Variants in ING5 observed in about 807,000 individuals in gnomAD.
The protein encoded by ING5 is inhibitor of growth protein 5.
ING5 carries 17 observed loss-of-function variants against 37.4 expected under a neutral mutation model. The ratio of observed to expected loss-of-function variants is 0.45; its 90% CI spans 0.31 to 0.68. ING5 has a LOEUF of 0.68. Among genes scored for constraint, ING5 ranks in the 30% least tolerant of loss-of-function variants. The pLI is 0.05. For missense variants in ING5, 233 were observed against 311.9 expected, an observed-to-expected ratio of 0.75 and a Z score of 1.91; for synonymous variants, 123 against 116.6, an observed-to-expected ratio of 1.06 and a Z score of -0.36.
At chr2:241,713,158 G>A (rs1258139775) in intron 5 of ING5, among the ~76,000 whole-genome samples, 1 of 150,596 alleles carries the variant, frequency 6.6e-6, no homozygotes, top group African/African-American at 2.5e-5. Context: ...CCAGGTTCAA[G>A]CGATTCTCCT....
intron 1 of ING5, among the ~76,000 whole-genome samples, chr2:241,689,017 G>A (rs1360074119): frequency 1.3e-5 from 2 of 152,078 alleles, no homozygotes; most frequent in East Asian, 3.9e-4. Flanking sequence ...TAGCCAGGAT[G>A]GTCTCGATCT....
chr2:241,691,199 G>A (rs1028028836), intron 2 of ING5, among the ~76,000 whole-genome samples: 6 of 151,610 alleles, frequency 4.0e-5, no homozygotes, highest in Non-Finnish European at 7.4e-5. Context: ...AGCACTTTGG[G>A]AGGCCGAGGT....
chr2:241,721,332 G>A, intron 5 of ING5: 5 of 985,504 alleles, frequency 5.1e-6, no homozygotes, highest in Non-Finnish European at 6.0e-6. Context: ...ACCTGGACTT[G>A]TGACGCTGAT....
At chr2:241,687,244 A>G (rs2069450652) in exon 1 of ING5, 1 of 397,098 alleles carries the variant, frequency 2.5e-6, no homozygotes, top group Admixed American at 4.4e-5. Flanking sequence ...GCCCGCTGCC[A>G]GCGTGAGGGC....
At chr2:241,695,282 G>A (rs914873824) in intron 2 of ING5, among the ~76,000 whole-genome samples, 2 of 151,954 alleles carry the variant, frequency 1.3e-5, no homozygotes, top group Admixed American at 6.6e-5. Flanking sequence ...TCTGGCCCAC[G>A]GTGCCAGCTG....
upstream of ING5, among the ~76,000 whole-genome samples, chr2:241,697,262 C>CA (rs2069644000): frequency 6.6e-6 from 1 of 151,652 alleles, no homozygotes; most frequent in African/African-American, 2.4e-5. Context: ...GGTGAAACCC[C>CA]ATGTGTACTA....
rs1691592289 is a variant in ING5 at position 241,725,673 on chromosome 2, TAAAC to T, written c.*643_*646del. The T allele has an allele frequency of 6.6e-6, 1 of 152,560 alleles. No homozygotes were observed. Among genetic ancestry groups the T allele is most frequent in the African/African-American group, 2.4e-5 (1 of 41,442 alleles). The allele number at this position is 152,560 out of a possible 1,614,324, so 9.5% of individuals were successfully genotyped here. On this transcript the variant is annotated 3_prime_UTR_variant, in exon 8 of 8. Coordinates refer to ENST00000313552, the MANE Select transcript of ING5 (RefSeq NM_032329.6). ...CTCCCTCGGGGACTCACCTCCGGAG[TAAAC>T]GGCTCTTCATTAGCTTGGAGTGGCC...
upstream of ING5, among the ~76,000 whole-genome samples, chr2:241,698,082 C>CA (rs138451940): frequency 0.12 from 10,229 of 84,390 alleles, 642 homozygotes; most frequent in East Asian, 0.26. Flanking sequence ...GGCTCCATCT[C>CA]AAAAAAAAAA....
In ING5 at chr2:241,725,083, G is replaced by C. The variant is rs767978279; in HGVS notation, c.*52G>C. The C allele has an allele frequency of 6.3e-7, 1 of 1,578,040 alleles. No individual in the cohort carries two copies. The highest frequency in any genetic ancestry group is 8.7e-7 in the Non-Finnish European group (1 of 1,147,088). On this transcript the variant is annotated 3_prime_UTR_variant, in exon 8 of 8. Transcript: ENST00000313552. ...AGCAAGTTAATCTGTCCCTTCATTCGTGTCGCAATATTTCCCTTCCTTTTA... is the reference window on the plus strand; with the variant it reads ...AGCAAGTTAATCTGTCCCTTCATTCCTGTCGCAATATTTCCCTTCCTTTTA...
intron 1 of ING5, 134 bp downstream of exon 1, chr2:241,702,236 G>A (rs2069756485): frequency 8.5e-6 from 2 of 235,868 alleles, no homozygotes; most frequent in South Asian, 1.4e-4. Flanking sequence ...CGCGACGGGG[G>A]GCGCGCGGAC....
intron 1 of ING5, among the ~76,000 whole-genome samples, chr2:241,703,339 A>G (rs577253015): frequency 2.4e-4 from 36 of 152,192 alleles, no homozygotes; most frequent in Admixed American, 9.8e-4. Context: ...AGCAGATGGG[A>G]GGGTGGCCAA....
At chr2:241,705,407 T>A (rs1346024410) in intron 2 of ING5, among the ~76,000 whole-genome samples, 2 of 145,030 alleles carry the variant, frequency 1.4e-5, no homozygotes, top group Non-Finnish European at 3.0e-5. Context: ...TTTTTTTTTT[T>A]TTTTTTTTGA....
Position 241,724,047 on chromosome 2 carries a change from T to C in ING5, c.680+776T>C, listed in dbSNP as rs962837145. 17 of 1,392,234 alleles carry C rather than the reference T, an allele frequency of 1.2e-5. No homozygotes were observed. The African/African-American group carries it at 2.5e-4, about 20-fold the overall frequency. 86.2% of individuals were successfully genotyped at this position (1,392,234 alleles called of 1,614,324 possible). ...AAAAAGATAAAAACCTGGCTTTGTTTGCCTGTGCTGAAAATCTAAAAATGG... is the reference window on the plus strand; with the variant it reads ...AAAAAGATAAAAACCTGGCTTTGTTCGCCTGTGCTGAAAATCTAAAAATGG... On this transcript the variant is annotated intron_variant, in intron 7 of 7. Transcript: ENST00000313552.
At chr2:241,712,173 C>A (rs185157863) in intron 5 of ING5, 102 bp downstream of exon 5, 2 of 936,462 alleles carry the variant, frequency 2.1e-6, no homozygotes, top group East Asian at 2.7e-5. Flanking sequence ...AAGTGCACCC[C>A]GTGTGCCGGG....
At position 241,695,774 on chromosome 2, in the gene ING5, A is replaced by G. The variant is rs190225801; in HGVS notation, c.43+5121A>G. On this transcript the variant is annotated intron_variant, in intron 2 of 7. Transcript: ENST00000636051. ...GGAACAGATACTTGCAGTTCTATGT[A>G]TAGCCATGTTCATTACAGCATGATT... Among the ~76,000 whole-genome samples, 545 of 152,314 alleles carry G rather than the reference A, an allele frequency of 3.6e-3. 4 individuals are homozygous for G. In the Middle Eastern group the frequency reaches 0.041, roughly 11 times the overall value.
upstream of ING5, among the ~76,000 whole-genome samples, chr2:241,701,422 T>C (rs956665393): frequency 6.6e-6 from 1 of 152,198 alleles, no homozygotes; most frequent in African/African-American, 2.4e-5. Context: ...CCCTCACTGG[T>C]GCTGGGCGGG....
chr2:241,711,165 G>A (rs1476302672), intron 3 of ING5, among the ~76,000 whole-genome samples: 2 of 152,164 alleles, frequency 1.3e-5, no homozygotes, highest in Admixed American at 6.6e-5. Context: ...CCCTAAATGG[G>A]ATTTATTCCA....
chr2:241,720,152 C>G, intron 5 of ING5: 6 of 1,237,066 alleles, frequency 4.9e-6, no homozygotes, highest in Non-Finnish European at 5.0e-6. Flanking sequence ...AAAGCCTGGC[C>G]TGCCGGGGCG....
At chr2:241,712,694 C>T (rs1316450077) in intron 5 of ING5, among the ~76,000 whole-genome samples, 1 of 152,054 alleles carries the variant, frequency 6.6e-6, no homozygotes, top group African/African-American at 2.4e-5. Context: ...TGAAATGCCA[C>T]GAAGCCTCTG....
Sources: gnomAD v4.1 joint callset for allele counts (sites outside exome capture counted in the v4.1 genomes callset) on GRCh38, gnomAD v4.1.1 for gene constraint, MANE v1.5 for transcripts, NCBI Gene and HGNC (gene_info 2026-07-23, HGNC 2026-07-21) for gene names.